The following UTP25 variants were observed in gnomAD, a reference collection of about 807,000 sequenced individuals.
The protein encoded by UTP25 is U3 small nucleolar RNA-associated protein 25 homolog.
Under a neutral mutation model 78.9 loss-of-function variants are expected in UTP25, and 50 were observed. The observed-to-expected ratio is 0.63, with a 90% CI of 0.50 to 0.80. The LOEUF (loss-of-function observed/expected upper bound fraction) is 0.80. Among genes scored for constraint, UTP25 ranks in the 30% least tolerant of loss-of-function variants. The probability of loss-of-function intolerance (pLI) is 0.00; values close to 1 mark genes in which losing one functional copy is unlikely to be tolerated. For synonymous variants in UTP25, 329 were observed against 336.5 expected (o/e 0.98, Z 0.24); for missense variants, 846 against 911.3 (o/e 0.93, Z 0.92).
At chr1:209,840,528 A>G (rs2078161098) in intron 7 of UTP25, among the ~76,000 whole-genome samples, 1 of 152,318 alleles carries the variant, frequency 6.6e-6, no homozygotes, top group East Asian at 1.9e-4. Flanking sequence ...AGCAAGAGTC[A>G]TTTCTCTGGA....
chr1:209,843,579 A>G lies in UTP25; in HGVS notation c.1910A>G (p.Asn637Ser). The change falls in exon 11 of 12, where the codon AAT becomes AGT. Residue 637 changes from asparagine to serine, a missense_variant. Asn to Ser is a conservative substitution (Grantham distance 46). Coordinates refer to ENST00000491415, the MANE Select transcript of UTP25 (RefSeq NM_014388.7). ...AATTACTTCAAGAAGGAGGAATTGA[A>G]TTTTACCCACATCTGCGAGTACACG... ...LRNYFKKEEL[N>S]FTHICEYTQK... 1 of 1,614,162 alleles carries G rather than the reference A, an allele frequency of 6.2e-7. No homozygotes were observed. Among genetic ancestry groups the G allele is most frequent in the Non-Finnish European group, 8.5e-7 (1 of 1,180,028 alleles).
rs2078263137 is a variant in UTP25, at chr1:209,854,699, G to A, written c.*3252G>A. 1 of 152,362 alleles carries A rather than the reference G, an allele frequency of 6.6e-6. No homozygotes were observed. Among genetic ancestry groups the A allele is most frequent in the Non-Finnish European group, 1.5e-5 (1 of 68,156 alleles). The allele number at this position is 152,362 out of a possible 1,614,324, so 9.4% of individuals were successfully genotyped here. On this transcript the variant is annotated 3_prime_UTR_variant, in exon 12 of 12. Transcript: ENST00000491415. The stretch of plus-strand genomic sequence containing the variant: ...GATCTAGGGTCTCAAGATTACAGAA[G>A]GCCTGGGGTGAGGGAGCAAGAGTTG...
intron 11 of UTP25, among the ~76,000 whole-genome samples, chr1:209,850,165 AG>A (rs569993672): frequency 5.9e-5 from 9 of 152,244 alleles, no homozygotes; most frequent in Non-Finnish European, 1.3e-4. Context: ...TTATTGGTAT[AG>A]GAGCAATATT....
chr1:209,830,986 G>A lies in UTP25; in HGVS notation c.331G>A (p.Gly111Ser), dbSNP rs542768114. 6.2e-7 allele frequency: 1 copy of A among 1,614,116 alleles called. No homozygotes were observed. The highest frequency in any genetic ancestry group is 1.3e-5 in the African/African-American group (1 of 75,038). ...DDAEMNDEDG[G>S]SDVSVEEEMA... ...TGCAGAAATGAACGATGAAGATGGTGGTAGCGATGTCAGTGTGGAAGAAGA... is the reference window on the plus strand; with the variant it reads ...TGCAGAAATGAACGATGAAGATGGTAGTAGCGATGTCAGTGTGGAAGAAGA... Residue 111 changes from glycine to serine, a missense_variant, in exon 3 of 12, where the codon GGT becomes AGT. Transcript: ENST00000491415.
chr1:209,849,138 G>A (rs142438474), intron 11 of UTP25, among the ~76,000 whole-genome samples: 15 of 152,194 alleles, frequency 9.9e-5, no homozygotes, highest in Middle Eastern at 6.8e-3. Context: ...TCGGGGGGAG[G>A]GGGTTCTCCT....
At chr1:209,848,018 T>G (rs2078208402) in intron 11 of UTP25, among the ~76,000 whole-genome samples, 1 of 152,244 alleles carries the variant, frequency 6.6e-6, no homozygotes, top group African/African-American at 2.4e-5. Context: ...TTTATCTAAT[T>G]GTTCCCTTGT....
chr1:209,838,692 G>T (rs1311144359), intron 6 of UTP25: 3 of 599,858 alleles, frequency 5.0e-6, no homozygotes, highest in Non-Finnish European at 8.9e-6. Context: ...TGGACTGATG[G>T]GTCTGAAGTC....
chr1:209,831,818 T>A (rs1324843530), intron 3 of UTP25, among the ~76,000 whole-genome samples: 1 of 152,216 alleles, frequency 6.6e-6, no homozygotes, highest in Non-Finnish European at 1.5e-5. Context: ...AATCATACAG[T>A]ATGACTCCTT....
rs1043806054 is a variant in UTP25, at chr1:209,852,483, C to T, written c.*1036C>T. The T allele has an allele frequency of 1.3e-5, 2 of 152,182 alleles. No individual in the cohort carries two copies. The highest frequency in any genetic ancestry group is 2.4e-5 in the African/African-American group (1 of 41,436). The allele number at this position is 152,182 out of a possible 1,614,324, so 9.4% of individuals were successfully genotyped here. On this transcript the variant is annotated 3_prime_UTR_variant, in exon 12 of 12. Coordinates refer to ENST00000491415, the MANE Select transcript of UTP25 (RefSeq NM_014388.7). ...TATTCAACTCATCCTAGTATGGACT[C>T]GTAGTTTCTTCTTTTATTCAATGGG...
intron 5 of UTP25, among the ~76,000 whole-genome samples, chr1:209,836,439 G>A (rs2078133393): frequency 6.6e-6 from 1 of 152,166 alleles, no homozygotes; most frequent in African/African-American, 2.4e-5. Flanking sequence ...TTTATCAAGG[G>A]TATTTGACCA....
intron 4 of UTP25, 30 bp downstream of exon 4, chr1:209,833,388 CA>C: frequency 6.7e-7 from 1 of 1,493,818 alleles, no homozygotes; most frequent in Non-Finnish European, 8.9e-7. Context: ...TATTTGAATT[CA>C]CCAGGTGCTT....
At chr1:209,839,700 C>T (rs2078155572) in intron 7 of UTP25, among the ~76,000 whole-genome samples, 1 of 152,156 alleles carries the variant, frequency 6.6e-6, no homozygotes. Context: ...GTCACATATG[C>T]TCATTCACAA....
In UTP25 at chr1:209,842,728, C is replaced by G. The variant is rs73093855; in HGVS notation, c.1781+33C>G. Reference sequence around the variant, plus strand: ...ACTCCTCCCAGCAGGCCCCTGGGGACCACATAGAGAGATTTGACTTGGGCA... The same window carrying G: ...ACTCCTCCCAGCAGGCCCCTGGGGAGCACATAGAGAGATTTGACTTGGGCA... On this transcript the variant is annotated intron_variant, in intron 10 of 11. Transcript: ENST00000491415. The G allele has an allele frequency of 7.4e-4, 1,120 of 1,508,396 alleles. 11 individuals carry two copies. The African/African-American group carries it at 0.012, about 16-fold the overall frequency. The allele number at this position is 1,508,396 out of a possible 1,614,324, so 93.4% of individuals were successfully genotyped here.
At chr1:209,844,908 C>T (rs993571340) in intron 11 of UTP25, among the ~76,000 whole-genome samples, 1 of 152,158 alleles carries the variant, frequency 6.6e-6, no homozygotes, top group African/African-American at 2.4e-5. Flanking sequence ...CCTGATTTCA[C>T]AATAATGTCC....
intron 5 of UTP25, among the ~76,000 whole-genome samples, chr1:209,835,997 A>G (rs591779): frequency 0.99 from 150,970 of 152,322 alleles, 74,815 homozygotes; most frequent in Middle Eastern, 1. Context: ...GCAAAATACA[A>G]ATCCTTGTTG....
rs149852536 is a variant in UTP25 at position 209,853,024 on chromosome 1, C to G, written c.*1577C>G. ...TACAGATTTTTTTTATCCTTGGGCA[C>G]GCTTAAAATTACTTAGCAAAAACAA... On this transcript the variant is annotated 3_prime_UTR_variant, in exon 12 of 12. Transcript: ENST00000491415. 54 of 152,132 alleles carry G rather than the reference C, an allele frequency of 3.5e-4. No homozygotes were observed. Among genetic ancestry groups the G allele is most frequent in the African/African-American group, 1.2e-3 (51 of 41,486 alleles). 9.4% of individuals were successfully genotyped at this position (152,132 alleles called of 1,614,324 possible). A position where few individuals can be genotyped will look rare whatever the true frequency, so the allele number is the denominator to read the frequency against.
At chr1:209,844,264 G>C (rs1410670285) in intron 11 of UTP25, 2 of 152,264 alleles carry the variant, frequency 1.3e-5, no homozygotes, top group East Asian at 1.9e-4. Flanking sequence ...AATGTTGAAG[G>C]GTTTCAGCGT....
chr1:209,845,650 C>A (rs536892175), intron 11 of UTP25, among the ~76,000 whole-genome samples: 3 of 152,208 alleles, frequency 2.0e-5, no homozygotes, highest in African/African-American at 7.2e-5. Flanking sequence ...TGCCCTGGGC[C>A]AGGTTAATTG....
At position 209,856,636 on chromosome 1, in the gene UTP25, C is replaced by CT. The variant is rs1553252233; in HGVS notation, c.*5190dup. 3 of 152,376 alleles carry CT rather than the reference C, an allele frequency of 2.0e-5. No homozygotes were observed. Among genetic ancestry groups the CT allele is most frequent in the Middle Eastern group, 3.4e-3 (1 of 294 alleles). The allele number at this position is 152,376 out of a possible 1,614,324, so 9.4% of individuals were successfully genotyped here. A position where few individuals can be genotyped will look rare whatever the true frequency, so the allele number is the denominator to read the frequency against. Reference sequence around the variant, plus strand: ...TTGTTTAAGCCATTAGGCCAGGCCTCTATTAGCCATTCCTGACTGATACAG... The same window carrying CT: ...TTGTTTAAGCCATTAGGCCAGGCCTCTTATTAGCCATTCCTGACTGATACAG... On this transcript the variant is annotated 3_prime_UTR_variant, in exon 12 of 12. Transcript: ENST00000491415.
Sources: gnomAD v4.1 joint callset for allele counts (sites outside exome capture counted in the v4.1 genomes callset) on GRCh38, gnomAD v4.1.1 for gene constraint, MANE v1.5 for transcripts, NCBI Gene and HGNC (gene_info 2026-07-23, HGNC 2026-07-21) for gene names.